Variants in DGKB observed in about 807,000 individuals in gnomAD.
DGKB encodes the protein diacylglycerol kinase beta, also known as 90 kDa diacylglycerol kinase.
Under a neutral mutation model 114.3 loss-of-function variants are expected in DGKB, and 67 were observed. The ratio of observed to expected loss-of-function variants is 0.59; its 90% CI spans 0.48 to 0.72. The LOEUF is 0.72. Ranked by LOEUF, DGKB falls within the 30% of genes least tolerant of loss-of-function variation. The pLI is 0.00. For missense variants in DGKB, 907 were observed against 975.2 expected (o/e 0.93, Z 0.93); for synonymous variants, 398 against 323.1 (o/e 1.23, Z -2.49).
intron 9 of DGKB, among the ~76,000 whole-genome samples, chr7:14,689,577 C>T (rs141506617): frequency 1.5e-3 from 227 of 152,236 alleles, no homozygotes; most frequent in African/African-American, 5.1e-3. Context: ...CTGTTCATCT[C>T]CAGACCACAC....
intron 5 of DGKB, among the ~76,000 whole-genome samples, chr7:14,729,349 C>G (rs896382559): frequency 6.6e-6 from 1 of 151,912 alleles, no homozygotes; most frequent in South Asian, 2.1e-4. Flanking sequence ...GTCTCGATCT[C>G]CTGACCTTGT....
rs560032533 is a variant in DGKB, at chr7:14,331,869, C to G, written c.2122+6646G>C. On this transcript the variant is annotated intron_variant, in intron 23 of 25. Transcript: ENST00000402815. ...TAAAAAATTAATAGTAATAAAGTCACTTGAGTAGAGATACTCCTTGACAGC... is the reference window on the plus strand; with the variant it reads ...TAAAAAATTAATAGTAATAAAGTCAGTTGAGTAGAGATACTCCTTGACAGC... 6.6e-5 allele frequency among the ~76,000 whole-genome samples: 10 copies of G among 152,216 alleles called. 1 individual carries two copies. The East Asian group carries it at 1.2e-3, about 18-fold the overall frequency.
chr7:14,192,067 G>T (rs762992866), intron 23 of DGKB: 2 of 438,422 alleles, frequency 4.6e-6, no homozygotes, highest in Admixed American at 2.4e-5. Context: ...GTCGCTGTGG[G>T]TGTCATCAAA....
chr7:14,584,172 A>T (rs1800374529), intron 17 of DGKB, among the ~76,000 whole-genome samples: 1 of 152,284 alleles, frequency 6.6e-6, no homozygotes, highest in South Asian at 2.1e-4. Flanking sequence ...CATGTGTTGC[A>T]TTCTGTCAGA....
intron 9 of DGKB, among the ~76,000 whole-genome samples, chr7:14,691,131 T>C (rs1327676779): frequency 6.6e-6 from 1 of 152,230 alleles, no homozygotes; most frequent in African/African-American, 2.4e-5. Context: ...TAAACTGCTG[T>C]TGCTGGAGAA....
intron 1 of DGKB, among the ~76,000 whole-genome samples, chr7:14,893,684 G>A (rs1781660783): frequency 6.6e-6 from 1 of 151,202 alleles, no homozygotes; most frequent in Non-Finnish European, 1.5e-5. Flanking sequence ...TTCACAGGAG[G>A]ATAAAAGAAT....
chr7:14,637,405 T>G lies in DGKB; in HGVS notation c.1135-7137A>C, dbSNP rs142655929. ...TGTAATGGAAATTCTGCATGAGTATTAAGATAAACTAGGCTATCTACAAAT... is the reference window on the plus strand; with the variant it reads ...TGTAATGGAAATTCTGCATGAGTATGAAGATAAACTAGGCTATCTACAAAT... On this transcript the variant is annotated intron_variant, in intron 13 of 25. Coordinates refer to ENST00000402815, the MANE Select transcript of DGKB (RefSeq NM_001350709.2). Among the ~76,000 whole-genome samples, 367 of 151,998 alleles carry G rather than the reference T, an allele frequency of 2.4e-3. 2 individuals carry two copies. Among genetic ancestry groups the G allele is most frequent in the African/African-American group, 8.3e-3 (343 of 41,540 alleles).
intron 23 of DGKB, among the ~76,000 whole-genome samples, chr7:14,314,977 T>A (rs1806198699): frequency 6.6e-6 from 1 of 151,824 alleles, no homozygotes; most frequent in Non-Finnish European, 1.5e-5. Flanking sequence ...GGGCCAATAT[T>A]CAACATTCTT....
At chr7:14,464,029 CTT>C (rs78829041) in intron 21 of DGKB, among the ~76,000 whole-genome samples, 2 of 142,924 alleles carry the variant, frequency 1.4e-5, no homozygotes, top group Non-Finnish European at 1.5e-5. Context: ...GGTAACCAAG[CTT>C]TTTTTTTTTT....
intron 23 of DGKB, among the ~76,000 whole-genome samples, chr7:14,293,491 TA>T (rs548897033): frequency 1.8e-4 from 27 of 152,106 alleles, no homozygotes; most frequent in Admixed American, 4.6e-4. Flanking sequence ...TATTGTTATT[TA>T]AAAAAAACCA....
intron 20 of DGKB, among the ~76,000 whole-genome samples, chr7:14,479,296 G>A (rs1172782462): frequency 6.6e-6 from 1 of 152,126 alleles, no homozygotes; most frequent in African/African-American, 2.4e-5. Flanking sequence ...AAAGGCTAAT[G>A]TGCTTACTCA....
chr7:14,811,690 T>C (rs1162128730), intron 2 of DGKB, among the ~76,000 whole-genome samples: 1 of 152,074 alleles, frequency 6.6e-6, no homozygotes, highest in East Asian at 1.9e-4. Flanking sequence ...AATGTCAGAA[T>C]TCCCTGAGCT....
In DGKB at chr7:14,425,725, T is replaced by A. The variant is rs142984473; in HGVS notation, c.1835+52436A>T. On this transcript the variant is annotated intron_variant, in intron 21 of 25. Transcript: ENST00000402815. ...AGCAGGAGAGAGAAGACAAGTTATCTTGTGACAACATCCTGCAGTATGTCA... is the reference window on the plus strand; with the variant it reads ...AGCAGGAGAGAGAAGACAAGTTATCATGTGACAACATCCTGCAGTATGTCA... Among the ~76,000 whole-genome samples the A allele has an allele frequency of 8.6e-3, 1,314 of 152,248 alleles. 12 individuals carry two copies. Among genetic ancestry groups the A allele is most frequent in the Non-Finnish European group, 0.013 (915 of 67,994 alleles).
chr7:14,331,962 T>C (rs1320800262), intron 23 of DGKB, among the ~76,000 whole-genome samples: 5 of 152,206 alleles, frequency 3.3e-5, no homozygotes, highest in African/African-American at 7.2e-5. Flanking sequence ...AGGATATGTT[T>C]GGTGCAAAGT....
At chr7:14,674,795 C>A (rs1819574240) in intron 12 of DGKB, among the ~76,000 whole-genome samples, 1 of 152,048 alleles carries the variant, frequency 6.6e-6, no homozygotes, top group East Asian at 1.9e-4. Flanking sequence ...TTGCTGGCAA[C>A]CACCAGAAGC....
intron 1 of DGKB, among the ~76,000 whole-genome samples, chr7:14,950,329 A>T (rs1443940761): frequency 2.0e-5 from 3 of 151,902 alleles, no homozygotes; most frequent in Non-Finnish European, 4.4e-5. Context: ...TAATAACCTA[A>T]ATTTTCGGCT....
At chr7:14,262,837 C>G (rs1055018553) in intron 23 of DGKB, among the ~76,000 whole-genome samples, 1 of 152,092 alleles carries the variant, frequency 6.6e-6, no homozygotes, top group Non-Finnish European at 1.5e-5. Context: ...ACTGGGCCAG[C>G]AGCAGTAAAC....
intron 13 of DGKB, among the ~76,000 whole-genome samples, chr7:14,638,813 A>G (rs10252547): frequency 0.21 from 31,189 of 151,916 alleles, 4,701 homozygotes; most frequent in East Asian, 0.5. Context: ...AGGCTGAGGC[A>G]AGTGGATCAT....
intron 20 of DGKB, among the ~76,000 whole-genome samples, chr7:14,552,986 T>G (rs1163551130): frequency 1.3e-5 from 2 of 152,166 alleles, no homozygotes; most frequent in African/African-American, 2.4e-5. Context: ...AGTGACGGCT[T>G]TGAGATCTTT....
Sources: allele counts gnomAD v4.1 joint callset (sites outside exome capture counted in the v4.1 genomes callset), GRCh38; gene constraint gnomAD v4.1.1; transcripts MANE v1.5; gene names NCBI Gene and HGNC (gene_info 2026-07-23, HGNC 2026-07-21).